The following ZNRF1 variants were observed in gnomAD, a reference collection of about 807,000 sequenced individuals.
ZNRF1 encodes the protein zinc and ring finger 1, also known as E3 ubiquitin-protein ligase ZNRF1.
Under a neutral mutation model 18.4 loss-of-function variants are expected in ZNRF1, and 3 were observed. The observed-to-expected ratio is 0.16, with a 90% confidence interval of 0.07 to 0.42. The LOEUF (loss-of-function observed/expected upper bound fraction) is 0.42. Among genes scored for constraint, ZNRF1 ranks in the 10% least tolerant of loss-of-function variants. The probability of loss-of-function intolerance (pLI) is 0.99; values close to 1 mark genes in which losing one functional copy is unlikely to be tolerated. For missense variants in ZNRF1, 310 were observed against 329.8 expected, an observed-to-expected ratio of 0.94 and a Z score of 0.47; for synonymous variants, 157 against 144.2, an observed-to-expected ratio of 1.09 and a Z score of -0.64.
At chr16:75,063,307 C>A (rs989264015) in intron 1 of ZNRF1, among the ~76,000 whole-genome samples, 1 of 152,172 alleles carries the variant, frequency 6.6e-6, no homozygotes, top group African/African-American at 2.4e-5. Flanking sequence ...TTCAGGGAGG[C>A]CCGAGCAGAC....
chr16:75,022,198 T>C (rs1241714372), intron 1 of ZNRF1, among the ~76,000 whole-genome samples: 1 of 151,730 alleles, frequency 6.6e-6, no homozygotes, highest in Non-Finnish European at 1.5e-5. Context: ...GAGGTTGCAG[T>C]GAGATGAGAT....
At chr16:75,107,146 G>A in intron 4 of ZNRF1, 1 of 173,990 alleles carries the variant, frequency 5.7e-6, no homozygotes, top group Non-Finnish European at 1.2e-5. Flanking sequence ...CACAGCACTG[G>A]GTGCTGACTC....
rs1406109199 is a variant in ZNRF1 at position 75,107,784 on chromosome 16, G to C, written c.*84G>C. The C allele has an allele frequency of 6.6e-6, 3 of 456,520 alleles. No homozygotes were observed. The Admixed American group carries it at 7.0e-5, about 11-fold the overall frequency. The allele number at this position is 456,520 out of a possible 1,614,324, so 28.3% of individuals were successfully genotyped here. The stretch of plus-strand genomic sequence containing the variant: ...GAGGCTCACCGGACCCTGGGGCAGA[G>C]CTGAGCTTGGGACACCAGCGGGAAC... On this transcript the variant is annotated 3_prime_UTR_variant, in exon 5 of 5. Coordinates refer to ENST00000335325, the MANE Select transcript of ZNRF1 (RefSeq NM_032268.5).
intron 2 of ZNRF1, among the ~76,000 whole-genome samples, chr16:75,095,991 T>C (rs138061894): frequency 6.6e-6 from 1 of 152,056 alleles, no homozygotes; most frequent in Non-Finnish European, 1.5e-5. Context: ...CTGGTTCTAG[T>C]TTTTCCCTTG....
intron 1 of ZNRF1, among the ~76,000 whole-genome samples, chr16:75,055,910 T>A (rs1369246210): frequency 1.3e-5 from 2 of 152,196 alleles, no homozygotes; most frequent in East Asian, 3.8e-4. Flanking sequence ...AAACCATCAA[T>A]GTTTCTGTTC....
intron 1 of ZNRF1, among the ~76,000 whole-genome samples, chr16:75,077,194 C>T (rs1044209656): frequency 4.6e-5 from 7 of 152,140 alleles, no homozygotes; most frequent in African/African-American, 1.2e-4. Flanking sequence ...AGATCGAGAC[C>T]GTCCTGGCCA....
chr16:75,047,052 T>C (rs16953733), intron 1 of ZNRF1, among the ~76,000 whole-genome samples: 4,750 of 152,228 alleles, frequency 0.031, 232 homozygotes, highest in African/African-American at 0.11. Context: ...ATAATCTGTC[T>C]CTTGCCATTA....
intron 1 of ZNRF1, among the ~76,000 whole-genome samples, chr16:75,015,921 C>CTTTTTT (rs368763105): frequency 1.5e-5 from 2 of 137,434 alleles, no homozygotes; most frequent in Non-Finnish European, 1.6e-5. Context: ...CTTTTCTTTT[C>CTTTTTT]TTTTTTTTTT....
chr16:75,062,988 C>T (rs567274960), intron 1 of ZNRF1, among the ~76,000 whole-genome samples: 1 of 152,342 alleles, frequency 6.6e-6, no homozygotes, highest in African/African-American at 2.4e-5. Flanking sequence ...TCTTCCAGAA[C>T]TTCCCCTTGA....
At chr16:75,042,182 A>C (rs932265297) in intron 1 of ZNRF1, among the ~76,000 whole-genome samples, 8 of 152,148 alleles carry the variant, frequency 5.3e-5, no homozygotes, top group African/African-American at 1.9e-4. Flanking sequence ...TTTTCTCCCA[A>C]TGTGTGGCCT....
chr16:75,015,894 A>C (rs1249916280), intron 1 of ZNRF1, among the ~76,000 whole-genome samples: 1 of 150,886 alleles, frequency 6.6e-6, no homozygotes, highest in African/African-American at 2.4e-5. Flanking sequence ...AAAGTCATCT[A>C]TCCTTGTGCT....
chr16:75,063,872 C>T (rs1380741152), intron 1 of ZNRF1, among the ~76,000 whole-genome samples: 3 of 152,176 alleles, frequency 2.0e-5, no homozygotes, highest in Middle Eastern at 3.2e-3. Context: ...GCTGTGACCT[C>T]CCTGTGTGTA....
chr16:75,107,721 C>T lies in ZNRF1; in HGVS notation c.*33-12C>T, dbSNP rs1262693919. ...CCGATGGAGCACGACTTATTTATTA[C>T]GGTCCACACAGGGACAGAGCGCCCC... On this transcript the variant is annotated splice_polypyrimidine_tract_variant and intron_variant, in intron 4 of 4. Coordinates refer to ENST00000335325, the MANE Select transcript of ZNRF1 (RefSeq NM_032268.5). 9 of 456,272 alleles carry T rather than the reference C, an allele frequency of 2.0e-5. No homozygotes were observed. Among genetic ancestry groups the T allele is most frequent in the Admixed American group, 9.4e-5 (4 of 42,556 alleles). 28.3% of individuals were successfully genotyped at this position (456,272 alleles called of 1,614,324 possible).
chr16:75,002,123 A>G (rs890731708), intron 1 of ZNRF1, among the ~76,000 whole-genome samples: 31 of 152,230 alleles, frequency 2.0e-4, no homozygotes, highest in African/African-American at 7.2e-5. Context: ...AATGTCCCCA[A>G]GAATTCCCAA....
At chr16:75,021,825 T>G (rs1027587312) in intron 1 of ZNRF1, among the ~76,000 whole-genome samples, 1 of 152,212 alleles carries the variant, frequency 6.6e-6, no homozygotes, top group African/African-American at 2.4e-5. Flanking sequence ...TGTTTGCTAT[T>G]TGTCCTTGAA....
intron 1 of ZNRF1, among the ~76,000 whole-genome samples, chr16:75,040,042 C>CTTTTT (rs57122648): frequency 2.5e-4 from 20 of 78,890 alleles, no homozygotes; most frequent in African/African-American, 7.2e-4. Context: ...TCTTTTCTTT[C>CTTTTT]TTTTTTTTTT....
intron 1 of ZNRF1, among the ~76,000 whole-genome samples, chr16:75,062,455 A>G (rs1781612614): frequency 1.3e-5 from 2 of 152,246 alleles, no homozygotes; most frequent in South Asian, 4.1e-4. Context: ...GAGTCAATTA[A>G]AAGAGCTAAG....
chr16:75,066,605 C>T (rs2035807303), intron 1 of ZNRF1, among the ~76,000 whole-genome samples: 2 of 152,168 alleles, frequency 1.3e-5, no homozygotes, highest in African/African-American at 4.8e-5. Context: ...CGGGTTCAAG[C>T]AATTCTCCTG....
Position 75,004,419 on chromosome 16 carries a change from A to C in ZNRF1, c.424+4324A>C, listed in dbSNP as rs564680086. Among the ~76,000 whole-genome samples, 4 of 152,244 alleles carry C rather than the reference A, an allele frequency of 2.6e-5. No homozygotes were observed. In the South Asian group the frequency reaches 8.3e-4, roughly 32 times the overall value. ...GATTTCTAAATGTGGGGTACAAAAC[A>C]TGCACCATCCACCATGTTGAAAGAA... On this transcript the variant is annotated intron_variant, in intron 1 of 4. Transcript: ENST00000335325.
Sources: allele counts gnomAD v4.1 joint callset (sites outside exome capture counted in the v4.1 genomes callset), GRCh38; gene constraint gnomAD v4.1.1; transcripts MANE v1.5; gene names NCBI Gene and HGNC (gene_info 2026-07-23, HGNC 2026-07-21).